SNX29: variants seen among roughly 807,000 people sequenced by gnomAD.
SNX29 encodes the protein sorting nexin-29.
In SNX29, 78 loss-of-function variants were observed where a neutral mutation model predicts 102.1. The observed-to-expected ratio is 0.76, with a 90% CI of 0.64 to 0.92. The LOEUF (loss-of-function observed/expected upper bound fraction) is 0.92, where lower values mean the gene tolerates loss of function less well. SNX29 is among the 40% of genes least tolerant of loss of function. The pLI is 0.00. For missense variants in SNX29, 1,280 were observed against 1,061.7 expected (o/e 1.21, Z -2.86); for synonymous variants, 580 against 414.5 (o/e 1.40, Z -4.85).
At chr16:12,540,434 T>G (rs890311622) in intron 20 of SNX29, among the ~76,000 whole-genome samples, 1 of 152,240 alleles carries the variant, frequency 6.6e-6, no homozygotes, top group African/African-American at 2.4e-5. Context: ...CTCCAGCTGC[T>G]GTGGAGGCCA....
intron 14 of SNX29, among the ~76,000 whole-genome samples, chr16:12,256,871 T>C (rs560056380): frequency 2.0e-5 from 3 of 152,240 alleles, no homozygotes; most frequent in African/African-American, 4.8e-5. Flanking sequence ...CTTGGACTTA[T>C]GATAGCTAAA....
chr16:12,531,506 C>T (rs991113023), intron 20 of SNX29, among the ~76,000 whole-genome samples: 14 of 152,180 alleles, frequency 9.2e-5, no homozygotes, highest in African/African-American at 3.4e-4. Flanking sequence ...CGTGGGGCCC[C>T]ACTGTCTCAG....
intron 11 of SNX29, among the ~76,000 whole-genome samples, chr16:12,099,608 A>C (rs2052921997): frequency 6.6e-6 from 1 of 152,140 alleles, no homozygotes; most frequent in South Asian, 2.1e-4. Context: ...GTGAGGGTGG[A>C]GTCCTGTCGG....
At chr16:12,227,565 A>G (rs2077648526) in intron 14 of SNX29, among the ~76,000 whole-genome samples, 1 of 152,088 alleles carries the variant, frequency 6.6e-6, no homozygotes. Context: ...ACACAAATCT[A>G]TGGGGGGAAA....
chr16:12,556,648 C>G (rs949985740), intron 20 of SNX29: 6 of 152,230 alleles, frequency 3.9e-5, no homozygotes, highest in African/African-American at 1.4e-4. Flanking sequence ...GTTTAGGAGA[C>G]ACAGCAGAGA....
intron 19 of SNX29, among the ~76,000 whole-genome samples, chr16:12,520,714 G>T (rs1047456384): frequency 6.6e-6 from 1 of 152,168 alleles, no homozygotes; most frequent in Non-Finnish European, 1.5e-5. Context: ...ACCGAATCCC[G>T]TGTGTTCTCA....
At chr16:12,310,046 ATG>A (rs1555508424) in intron 15 of SNX29, among the ~76,000 whole-genome samples, 1 of 150,694 alleles carries the variant, frequency 6.6e-6, no homozygotes, top group African/African-American at 2.5e-5. Context: ...GTGCACACAT[ATG>A]TACACACACG....
intron 14 of SNX29, among the ~76,000 whole-genome samples, chr16:12,207,779 G>A (rs2077082677): frequency 6.6e-6 from 1 of 152,050 alleles, no homozygotes; most frequent in Admixed American, 6.6e-5. Context: ...AAACCCCTGT[G>A]GTGCTTGCTA....
chr16:12,499,133 G>T (rs1187317066), intron 19 of SNX29, among the ~76,000 whole-genome samples: 2 of 152,098 alleles, frequency 1.3e-5, no homozygotes, highest in African/African-American at 4.8e-5. Context: ...CGCAGTAGAA[G>T]GCACAAGTTA....
At chr16:12,285,775 A>G (rs1227379979) in intron 15 of SNX29, among the ~76,000 whole-genome samples, 1 of 148,792 alleles carries the variant, frequency 6.7e-6, no homozygotes, top group Non-Finnish European at 1.5e-5. Flanking sequence ...TTTTATAAGG[A>G]CTCAGGATAA....
intron 7 of SNX29, among the ~76,000 whole-genome samples, chr16:12,050,839 G>A (rs925025530): frequency 1.3e-5 from 2 of 151,842 alleles, no homozygotes; most frequent in Non-Finnish European, 2.9e-5. Context: ...AGCCTCCCAA[G>A]TAGCTGGGAT....
chr16:12,102,158 G>T (rs1407582255), intron 11 of SNX29, among the ~76,000 whole-genome samples: 3 of 152,160 alleles, frequency 2.0e-5, no homozygotes, highest in Admixed American at 1.3e-4. Flanking sequence ...TCTTTATCCA[G>T]TCTATCATTG....
chr16:12,033,610 C>CTTTTTTTTTTTTTT (rs869128492), intron 4 of SNX29, among the ~76,000 whole-genome samples: 1 of 140,118 alleles, frequency 7.1e-6, no homozygotes, highest in African/African-American at 2.6e-5. Flanking sequence ...TTTCTTTTTT[C>CTTTTTTTTTTTTTT]TTTTTTTTTT....
chr16:12,484,391 G>C (rs1312905256), intron 19 of SNX29, among the ~76,000 whole-genome samples: 1 of 152,022 alleles, frequency 6.6e-6, no homozygotes, highest in Non-Finnish European at 1.5e-5. Context: ...TTTCTCTTTT[G>C]CCTCCCTGTA....
rs1428841037 is a variant in SNX29 at position 12,001,730 on chromosome 16, C to T, written c.70-1261C>T. On this transcript the variant is annotated intron_variant, in intron 2 of 20. Transcript: ENST00000566228. ...GATACTATACCTTTAAAAGAAAAGA[C>T]AAGTAGGCCAGGCACGGTGGCTCAC... 2.0e-5 allele frequency among the ~76,000 whole-genome samples: 3 copies of T among 152,082 alleles called. No homozygotes were observed. In the East Asian group the frequency reaches 5.8e-4, roughly 29 times the overall value.
At chr16:12,559,783 C>G (rs1318570630) in intron 20 of SNX29, among the ~76,000 whole-genome samples, 1 of 152,158 alleles carries the variant, frequency 6.6e-6, no homozygotes, top group African/African-American at 2.4e-5. Flanking sequence ...CATTACACAG[C>G]ACCTTCGTCC....
At chr16:12,235,285 T>G (rs2077892802) in intron 14 of SNX29, among the ~76,000 whole-genome samples, 1 of 152,106 alleles carries the variant, frequency 6.6e-6, no homozygotes, top group Non-Finnish European at 1.5e-5. Flanking sequence ...TGCCCCAGAG[T>G]TGGCAGAAGT....
intron 18 of SNX29, among the ~76,000 whole-genome samples, chr16:12,427,487 G>C (rs750601107): frequency 1.3e-5 from 2 of 151,952 alleles, no homozygotes; most frequent in African/African-American, 2.4e-5. Context: ...CTTGAAGCCA[G>C]GTATTTCCTT....
At chr16:12,193,817 C>G (rs1442089618) in intron 13 of SNX29, among the ~76,000 whole-genome samples, 1 of 152,148 alleles carries the variant, frequency 6.6e-6, no homozygotes, top group Admixed American at 6.5e-5. Context: ...TGGGTTTATT[C>G]CCTGATTCTT....
Sources: gnomAD v4.1 joint callset for allele counts (sites outside exome capture counted in the v4.1 genomes callset) on GRCh38, gnomAD v4.1.1 for gene constraint, MANE v1.5 for transcripts, NCBI Gene and HGNC (gene_info 2026-07-23, HGNC 2026-07-21) for gene names.